ZFYVE1: variants seen among roughly 807,000 people sequenced by gnomAD.
ZFYVE1 encodes the protein zinc finger FYVE domain-containing protein 1.
ZFYVE1 carries 30 observed loss-of-function variants against 74.4 expected under a neutral mutation model. The observed-to-expected ratio is 0.40, with a 90% CI of 0.30 to 0.55. The LOEUF is 0.55. Among genes scored for constraint, ZFYVE1 ranks in the 20% least tolerant of loss-of-function variants. ZFYVE1 has a pLI of 0.42. For missense variants in ZFYVE1, 703 were observed against 1,011.6 expected (o/e 0.69, Z 4.14); for synonymous variants, 335 against 385.1 (o/e 0.87, Z 1.52).
In ZFYVE1 at chr14:72,970,815, C is replaced by T. The variant is rs1893012601; in HGVS notation, c.*67G>A. On this transcript the variant is annotated 3_prime_UTR_variant, in exon 12 of 12. Transcript: ENST00000556143. ...AGCAGGTGACTGGGAGGAGGGCCTA[C>T]CTCGCAAGACTGTTTCTAACCCTGA... 6.5e-7 allele frequency: 1 copy of T among 1,532,650 alleles called. No homozygotes were observed. The highest frequency in any genetic ancestry group is 1.4e-5 in the African/African-American group (1 of 73,244). The allele number at this position is 1,532,650 out of a possible 1,614,324, so 94.9% of individuals were successfully genotyped here.
intron 5 of ZFYVE1, among the ~76,000 whole-genome samples, chr14:72,981,277 G>A (rs939355765): frequency 2.0e-5 from 3 of 152,082 alleles, no homozygotes; most frequent in Admixed American, 2.0e-4. Context: ...GTGGTGCCCT[G>A]GCATAAATAA....
At chr14:73,001,959 A>G (rs1893882262) in intron 2 of ZFYVE1, among the ~76,000 whole-genome samples, 1 of 152,140 alleles carries the variant, frequency 6.6e-6, no homozygotes, top group Non-Finnish European at 1.5e-5. Context: ...AAAAAAAAAG[A>G]AAAAGAAAAA....
Position 72,969,678 on chromosome 14 carries a change from C to T in ZFYVE1, c.*1204G>A. The stretch of plus-strand genomic sequence containing the variant: ...TTATACTTTAATTCGTGTTTGGCCA[C>T]TGAAGATCAAATCCACCATGATGAT... On this transcript the variant is annotated 3_prime_UTR_variant, in exon 12 of 12. Coordinates refer to ENST00000556143, the MANE Select transcript of ZFYVE1 (RefSeq NM_021260.4). 1.4e-6 allele frequency: 1 copy of T among 701,258 alleles called. No individual in the cohort carries two copies. The highest frequency in any genetic ancestry group is 2.6e-6 in the Non-Finnish European group (1 of 384,568). 43.4% of individuals were successfully genotyped at this position (701,258 alleles called of 1,614,324 possible).
At chr14:72,980,521 A>T (rs1342717310) in intron 5 of ZFYVE1, among the ~76,000 whole-genome samples, 2 of 150,676 alleles carry the variant, frequency 1.3e-5, no homozygotes, top group Non-Finnish European at 2.9e-5. Context: ...CATCAGCATC[A>T]CCTGAGAATT....
chr14:73,017,298 T>C (rs1477448774), intron 2 of ZFYVE1, among the ~76,000 whole-genome samples: 2 of 152,206 alleles, frequency 1.3e-5, no homozygotes, highest in African/African-American at 2.4e-5. Context: ...TAACTCCTTC[T>C]GTCGGGGCTG....
intron 2 of ZFYVE1, among the ~76,000 whole-genome samples, chr14:73,007,111 G>A (rs12884588): frequency 0.27 from 41,599 of 151,954 alleles, 6,563 homozygotes; most frequent in Middle Eastern, 0.39. Flanking sequence ...TCCCTCGAGA[G>A]ATTCCTTCCA....
chr14:72,998,380 G>C, intron 2 of ZFYVE1, 65 bp from the exon 3 acceptor site: 1 of 1,388,222 alleles, frequency 7.2e-7, no homozygotes, highest in South Asian at 1.6e-5. Flanking sequence ...ACACCTACAA[G>C]AAGAAGTGCT....
At chr14:72,993,466 G>T in intron 3 of ZFYVE1, 109 bp from the exon 4 acceptor site, 11 of 969,262 alleles carry the variant, frequency 1.1e-5, no homozygotes, top group Non-Finnish European at 1.5e-5. Flanking sequence ...ACTTTGGGAG[G>T]CCAAGGTGGG....
Position 72,975,238 on chromosome 14 carries a change from C to T in ZFYVE1, c.1807-279G>A. The T allele has an allele frequency of 2.0e-6, 1 of 506,816 alleles. No individual in the cohort carries two copies. The highest frequency in any genetic ancestry group is 3.3e-5 in the South Asian group (1 of 30,430). The allele number at this position is 506,816 out of a possible 1,614,324, so 31.4% of individuals were successfully genotyped here. ...CAAGCTGAGGATGACCCTAAATAAC[C>T]TCTAAAGACCCCTTTTCCTCCAGAT... On this transcript the variant is annotated intron_variant, in intron 9 of 11. Coordinates refer to ENST00000556143, the MANE Select transcript of ZFYVE1 (RefSeq NM_021260.4). The surrounding 1 kb of genome is among the most constrained non-coding windows in gnomAD (Gnocchi z 4.1).
intron 10 of ZFYVE1, 127 bp from the exon 11 acceptor site, chr14:72,974,320 G>A: frequency 1.2e-6 from 1 of 852,184 alleles, no homozygotes. Flanking sequence ...TGCAACTACT[G>A]CAAGGGTCTG....
Position 72,970,953 on chromosome 14 carries a change from C to G in ZFYVE1, c.2263G>C (p.Val755Leu). The change falls in exon 12 of 12, where the codon GTT (valine) becomes CTT (leucine). Residue 755 changes from valine to leucine, a missense_variant. Physicochemically the swap from Val to Leu is conservative, Grantham distance 32. Around this residue, in one of 2 missense-constraint regions of ZFYVE1, gnomAD observed 492 missense variants for 790.0 expected, o/e 0.62. Coordinates refer to ENST00000556143, the MANE Select transcript of ZFYVE1 (RefSeq NM_021260.4). ...GGATGGTCCCAGCCACGAGAAGGAA[C>G]AGCCCGGCGGTCATGGGAGCACTCA... ...CDECSHDRRA[V>L]PSRGWDHPVR... 1 of 1,614,258 alleles carries G rather than the reference C, an allele frequency of 6.2e-7. No individual in the cohort carries two copies. The highest frequency in any genetic ancestry group is 8.5e-7 in the Non-Finnish European group (1 of 1,180,048).
chr14:72,990,640 T>C (rs2140359878), intron 4 of ZFYVE1, among the ~76,000 whole-genome samples: 1 of 147,682 alleles, frequency 6.8e-6, no homozygotes, highest in Non-Finnish European at 1.5e-5. Flanking sequence ...AGGTGATCCA[T>C]CTGCCTCCTG....
chr14:72,978,258 G>A (rs752169578), intron 6 of ZFYVE1, 24 bp from the exon 7 acceptor site: 2 of 1,605,608 alleles, frequency 1.2e-6, no homozygotes, highest in South Asian at 2.2e-5. Flanking sequence ...CACTCTGCTA[G>A]CTTATTGTTT....
chr14:73,001,272 C>T lies in ZFYVE1; in HGVS notation c.484-2957G>A, dbSNP rs74062629. ...AGCAAATTTGAAGGGAATCATACATCTGAAAGATTCTATTGGAAATTGTGT... is the reference window on the plus strand; with the variant it reads ...AGCAAATTTGAAGGGAATCATACATTTGAAAGATTCTATTGGAAATTGTGT... On this transcript the variant is annotated intron_variant, in intron 2 of 11. Coordinates refer to ENST00000556143, the MANE Select transcript of ZFYVE1 (RefSeq NM_021260.4). Among the ~76,000 whole-genome samples the T allele has an allele frequency of 6.0e-3, 906 of 152,220 alleles. 14 individuals are homozygous for T. Among genetic ancestry groups the T allele is most frequent in the African/African-American group, 0.021 (867 of 41,526 alleles).
chr14:72,983,125 G>A (rs9671705), intron 4 of ZFYVE1, among the ~76,000 whole-genome samples: 10,886 of 151,980 alleles, frequency 0.072, 532 homozygotes, highest in East Asian at 0.19. Context: ...GATTACAGAC[G>A]TAAGCCACCA....
At chr14:72,992,596 G>C (rs1893639262) in intron 4 of ZFYVE1, among the ~76,000 whole-genome samples, 1 of 149,776 alleles carries the variant, frequency 6.7e-6, no homozygotes, top group Non-Finnish European at 1.5e-5. Context: ...CTACCTCTGG[G>C]GGGAGGTCCC....
intron 4 of ZFYVE1, among the ~76,000 whole-genome samples, chr14:72,987,606 T>C (rs1333397638): frequency 6.6e-6 from 1 of 152,196 alleles, no homozygotes; most frequent in Non-Finnish European, 1.5e-5. Context: ...AATTCAACTA[T>C]GAAATGGTTC....
intron 6 of ZFYVE1, among the ~76,000 whole-genome samples, chr14:72,978,617 T>C (rs1893242597): frequency 7.4e-6 from 1 of 134,676 alleles, no homozygotes; most frequent in Non-Finnish European, 1.6e-5. Flanking sequence ...TCGATATAAA[T>C]TACCCTTACA....
intron 2 of ZFYVE1, among the ~76,000 whole-genome samples, chr14:73,021,503 A>G (rs1223818104): frequency 6.6e-6 from 1 of 152,266 alleles, no homozygotes; most frequent in African/African-American, 2.4e-5. Flanking sequence ...CCAGTTCACA[A>G]TCTAGCTGAA....
Sources: gnomAD v4.1 joint callset for allele counts (sites outside exome capture counted in the v4.1 genomes callset) on GRCh38, gnomAD v4.1.1 for gene constraint, gnomAD v4.1.1 regional missense constraint, Gnocchi (gnomAD v3.1) non-coding constraint, MANE v1.5 for transcripts, NCBI Gene and HGNC (gene_info 2026-07-23, HGNC 2026-07-21) for gene names.